GPC6: variants seen among roughly 807,000 people sequenced by gnomAD.
GPC6 encodes the protein glypican-6.
A neutral mutation model predicts 55.2 loss-of-function variants in GPC6; 14 were observed. The ratio of observed to expected loss-of-function variants is 0.25; its 90% CI spans 0.17 to 0.40. The LOEUF is 0.40. Among genes scored for constraint, GPC6 ranks in the 10% least tolerant of loss-of-function variants. The pLI is 1.00. For missense variants in GPC6, 641 were observed against 708.5 expected, an observed-to-expected ratio of 0.90 and a Z score of 1.08; for synonymous variants, 278 against 259.6, an observed-to-expected ratio of 1.07 and a Z score of -0.68.
chr13:93,842,548 T>C (rs892192073), intron 3 of GPC6, among the ~76,000 whole-genome samples: 2 of 152,146 alleles, frequency 1.3e-5, no homozygotes, highest in Non-Finnish European at 2.9e-5. Flanking sequence ...GTTTAACAAA[T>C]TGTAAAACCT....
chr13:93,961,356 A>G (rs1379715671), intron 3 of GPC6, among the ~76,000 whole-genome samples: 2 of 152,212 alleles, frequency 1.3e-5, no homozygotes, highest in Non-Finnish European at 2.9e-5. Flanking sequence ...AGTTGCATTT[A>G]CCTCCAGCCA....
At chr13:94,284,048 G>A (rs1892460539) in intron 4 of GPC6, among the ~76,000 whole-genome samples, 1 of 152,160 alleles carries the variant, frequency 6.6e-6, no homozygotes, top group Admixed American at 6.5e-5. Context: ...GCTTTCCTTA[G>A]CCCCAAGGTG....
intron 5 of GPC6, among the ~76,000 whole-genome samples, chr13:94,292,036 G>A (rs536418695): frequency 2.0e-5 from 3 of 152,178 alleles, no homozygotes; most frequent in Admixed American, 6.5e-5. Flanking sequence ...CTGCCAACTC[G>A]TATTTATTGA....
At chr13:93,916,589 A>G (rs186845442) in intron 3 of GPC6, among the ~76,000 whole-genome samples, 1 of 152,310 alleles carries the variant, frequency 6.6e-6, no homozygotes. Context: ...TGCTGTTAAT[A>G]TAGTTGAAAT....
intron 6 of GPC6, among the ~76,000 whole-genome samples, chr13:94,318,312 AC>A (rs1876643655): frequency 6.6e-6 from 1 of 151,886 alleles, no homozygotes; most frequent in Non-Finnish European, 1.5e-5. Flanking sequence ...ATGTTCCAAG[AC>A]CCCCAGTGCA....
intron 2 of GPC6, among the ~76,000 whole-genome samples, chr13:93,800,222 A>G (rs966138820): frequency 6.6e-6 from 1 of 152,210 alleles, no homozygotes; most frequent in African/African-American, 2.4e-5. Context: ...ATATATTTAC[A>G]TGAGTTATAT....
At chr13:93,841,541 A>AT in intron 3 of GPC6, among the ~76,000 whole-genome samples, 1 of 152,274 alleles carries the variant, frequency 6.6e-6, no homozygotes, top group East Asian at 1.9e-4. Context: ...GAAACTCTAC[A>AT]TTTTTTGTGT....
At chr13:93,737,032 A>G (rs897388307) in intron 2 of GPC6, among the ~76,000 whole-genome samples, 3 of 152,218 alleles carry the variant, frequency 2.0e-5, no homozygotes, top group Admixed American at 6.5e-5. Context: ...ATGCCATTGC[A>G]GGCATTCTGT....
intron 1 of GPC6, among the ~76,000 whole-genome samples, chr13:93,424,306 G>A (rs1024467791): frequency 6.6e-5 from 10 of 152,112 alleles, no homozygotes; most frequent in South Asian, 2.1e-4. Context: ...CCCCAGCATC[G>A]ACCAAGTTAT....
chr13:94,240,597 G>C (rs1473827253), intron 4 of GPC6, among the ~76,000 whole-genome samples: 2 of 151,610 alleles, frequency 1.3e-5, no homozygotes, highest in African/African-American at 4.9e-5. Context: ...TCTTGGAGTA[G>C]ATATTCCAGT....
chr13:93,363,853 T>C (rs1041996866), intron 1 of GPC6, among the ~76,000 whole-genome samples: 2 of 152,096 alleles, frequency 1.3e-5, no homozygotes, highest in African/African-American at 4.8e-5. Flanking sequence ...GGTATCTCAT[T>C]GTGGTTTTGA....
chr13:93,309,426 T>C (rs1342451363), intron 1 of GPC6, among the ~76,000 whole-genome samples: 5 of 143,230 alleles, frequency 3.5e-5, no homozygotes. Context: ...TGAGTGATTC[T>C]AATATTATTA....
At chr13:93,774,688 G>A (rs1380256860) in intron 2 of GPC6, among the ~76,000 whole-genome samples, 1 of 152,136 alleles carries the variant, frequency 6.6e-6, no homozygotes, top group African/African-American at 2.4e-5. Context: ...TTTGGAGCTG[G>A]TTCATCGGTA....
intron 1 of GPC6, among the ~76,000 whole-genome samples, chr13:93,310,133 A>G (rs17300101): frequency 6.6e-6 from 1 of 152,092 alleles, no homozygotes; most frequent in Non-Finnish European, 1.5e-5. Flanking sequence ...CAAATCTCCC[A>G]TTCAGTCTTT....
At chr13:94,071,467 C>T (rs907740406) in intron 4 of GPC6, among the ~76,000 whole-genome samples, 6 of 152,034 alleles carry the variant, frequency 3.9e-5, no homozygotes, top group Non-Finnish European at 8.8e-5. Flanking sequence ...TTCCACATGC[C>T]CTTTGTTCTT....
At chr13:93,542,970 A>G (rs1197775299) in intron 1 of GPC6, among the ~76,000 whole-genome samples, 1 of 152,186 alleles carries the variant, frequency 6.6e-6, no homozygotes, top group Non-Finnish European at 1.5e-5. Flanking sequence ...TCTTCTGCAA[A>G]CAGGGACAAT....
intron 4 of GPC6, among the ~76,000 whole-genome samples, chr13:94,132,888 TATAG>T (rs1887050025): frequency 6.6e-6 from 1 of 152,150 alleles, no homozygotes; most frequent in Non-Finnish European, 1.5e-5. Context: ...ATTTAATAAG[TATAG>T]TAGACAGTAT....
intron 2 of GPC6, among the ~76,000 whole-genome samples, chr13:93,618,676 T>A (rs1289709183): frequency 6.6e-6 from 1 of 152,142 alleles, no homozygotes; most frequent in Non-Finnish European, 1.5e-5. Flanking sequence ...AAATTTATCA[T>A]GCTTCAAATA....
chr13:93,526,226 T>C (rs1881641191), intron 1 of GPC6, among the ~76,000 whole-genome samples: 1 of 152,040 alleles, frequency 6.6e-6, no homozygotes. Context: ...TAAATCGCCA[T>C]ACATCAGGGT....
Sources: gnomAD v4.1 joint callset for allele counts (sites outside exome capture counted in the v4.1 genomes callset) on GRCh38, gnomAD v4.1.1 for gene constraint, MANE v1.5 for transcripts, NCBI Gene and HGNC (gene_info 2026-07-23, HGNC 2026-07-21) for gene names.